NPAS3: variants seen among roughly 807,000 people sequenced by gnomAD.
The protein encoded by NPAS3 is neuronal PAS domain-containing protein 3.
A neutral mutation model predicts 73.1 loss-of-function variants in NPAS3; 14 were observed. That is an observed-to-expected ratio of 0.19 (90% CI 0.13 to 0.30). The LOEUF is 0.30. NPAS3 is among the 10% of genes least tolerant of loss of function. NPAS3 has a pLI of 1.00. For missense variants in NPAS3, 1,096 were observed against 1,250.0 expected, an observed-to-expected ratio of 0.88 and a Z score of 1.86; for synonymous variants, 620 against 541.5, an observed-to-expected ratio of 1.14 and a Z score of -2.01.
rs1221630915 is a variant in NPAS3 at position 33,145,301 on chromosome 14, G to A, written c.141-69881G>A. Among the ~76,000 whole-genome samples the A allele has an allele frequency of 2.0e-5, 3 of 152,128 alleles. No homozygotes were observed. The East Asian group carries it at 5.8e-4, about 29-fold the overall frequency. On this transcript the variant is annotated intron_variant, in intron 2 of 11. Coordinates refer to ENST00000356141, the Ensembl canonical transcript of NPAS3. ...AAAAGTCCAACAGGATATTTGTTAA[G>A]TTGACAAGAGATTACCTGGAAGAAG...
At chr14:33,735,418 A>G (rs1361915764) in intron 7 of NPAS3, 86 bp downstream of exon 7, 4 of 893,270 alleles carry the variant, frequency 4.5e-6, no homozygotes, top group East Asian at 2.4e-5. Context: ...CTTTAGGTCC[A>G]TATAATGAAT....
At chr14:33,140,086 G>T (rs778933528) in intron 2 of NPAS3, among the ~76,000 whole-genome samples, 5 of 151,860 alleles carry the variant, frequency 3.3e-5, no homozygotes, top group Non-Finnish European at 5.9e-5. Flanking sequence ...AACATTTTTC[G>T]GTAGGCCTAT....
rs138385414 is a variant in NPAS3, at chr14:33,143,912, GGTTGAATA to G, written c.141-71267_141-71260del. Among the ~76,000 whole-genome samples, 128 of 152,156 alleles carry G rather than the reference GGTTGAATA, an allele frequency of 8.4e-4. No individual in the cohort carries two copies. The East Asian group carries it at 0.021, about 25-fold the overall frequency. ...GAATCAGTACCTCATTCCTTTTTAT[GGTTGAATA>G]GTATTCCATTGTGTGGATATAATAT... On this transcript the variant is annotated intron_variant, in intron 2 of 11. Coordinates refer to ENST00000356141, the Ensembl canonical transcript of NPAS3.
Position 33,436,284 on chromosome 14 carries a change from A to C in NPAS3, c.468+69016A>C, listed in dbSNP as rs113849493. ...TATCTCTAAGTAAGACAAATTAAAC[A>C]TAGACATGTGCTTCAAGAAGGGCTT... is the stretch of plus-strand genomic sequence containing the variant. On this transcript the variant is annotated intron_variant, in intron 4 of 11. Transcript: ENST00000356141. 2.6e-5 allele frequency among the ~76,000 whole-genome samples: 4 copies of C among 152,230 alleles called. No individual in the cohort carries two copies. In the South Asian group the frequency reaches 6.2e-4, roughly 24 times the overall value.
chr14:33,100,445 A>T (rs2042548543), intron 2 of NPAS3, among the ~76,000 whole-genome samples: 1 of 152,210 alleles, frequency 6.6e-6, no homozygotes. Context: ...GGTACTTGAT[A>T]CATAATAGGA....
chr14:33,170,678 T>A (rs1219331193), intron 2 of NPAS3, among the ~76,000 whole-genome samples: 3 of 152,170 alleles, frequency 2.0e-5, no homozygotes, highest in African/African-American at 7.2e-5. Context: ...GTAAATTCCA[T>A]CTCAAGAAAC....
intron 2 of NPAS3, among the ~76,000 whole-genome samples, chr14:33,179,080 GT>G (rs970419800): frequency 6.6e-6 from 1 of 151,764 alleles, no homozygotes; most frequent in Non-Finnish European, 1.5e-5. Flanking sequence ...GATCACGTGT[GT>G]TTTTTTTCCC....
At chr14:33,648,812 C>G (rs891680792) in intron 5 of NPAS3, among the ~76,000 whole-genome samples, 5 of 152,180 alleles carry the variant, frequency 3.3e-5, no homozygotes, top group African/African-American at 1.2e-4. Flanking sequence ...ACCAGTGAAG[C>G]CCTCCAGAAT....
chr14:33,245,096 A>T (rs1028643580), intron 3 of NPAS3, among the ~76,000 whole-genome samples: 1 of 152,188 alleles, frequency 6.6e-6, no homozygotes, highest in Non-Finnish European at 1.5e-5. Context: ...CTTTTCATAA[A>T]AGCAGGTGGT....
chr14:33,457,747 G>A lies in NPAS3; in HGVS notation c.468+90479G>A, dbSNP rs112405039. On this transcript the variant is annotated intron_variant, in intron 4 of 11. Coordinates refer to ENST00000356141, the Ensembl canonical transcript of NPAS3. ...CCCTCGCTGTAGCCTTGCCCTTAGC[G>A]TGTGTAAGTCTGGCTCGCTCTCTGG... 5.2e-3 allele frequency among the ~76,000 whole-genome samples: 795 copies of A among 152,200 alleles called. 5 individuals are homozygous for A. Among genetic ancestry groups the A allele is most frequent in the African/African-American group, 0.018 (751 of 41,538 alleles).
intron 5 of NPAS3, among the ~76,000 whole-genome samples, chr14:33,597,548 G>T (rs1266334426): frequency 6.6e-6 from 1 of 152,212 alleles, no homozygotes; most frequent in African/African-American, 2.4e-5. Context: ...TTAGAAACAG[G>T]TTTAGCTCCA....
chr14:33,228,688 C>T (rs1044615717), intron 3 of NPAS3, among the ~76,000 whole-genome samples: 5 of 151,978 alleles, frequency 3.3e-5, no homozygotes, highest in Non-Finnish European at 7.4e-5. Flanking sequence ...GGGAAAAAAG[C>T]GAACCATCTC....
intron 1 of NPAS3, among the ~76,000 whole-genome samples, chr14:33,043,122 A>T (rs1439725263): frequency 6.6e-6 from 1 of 152,194 alleles, no homozygotes. Flanking sequence ...GAAGTAGAAG[A>T]TCAATACTGA....
chr14:33,126,349 T>C (rs1265570940), intron 2 of NPAS3, among the ~76,000 whole-genome samples: 1 of 152,154 alleles, frequency 6.6e-6, no homozygotes, highest in Non-Finnish European at 1.5e-5. Context: ...CAGAACAAAA[T>C]GGATGCCGTT....
chr14:33,741,896 G>T (rs1466480363), intron 7 of NPAS3, among the ~76,000 whole-genome samples: 1 of 152,026 alleles, frequency 6.6e-6, no homozygotes, highest in Non-Finnish European at 1.5e-5. Flanking sequence ...CTGAGCCTTT[G>T]CTAGCTATGA....
chr14:33,469,334 G>A (rs1351299538), intron 4 of NPAS3, among the ~76,000 whole-genome samples: 1 of 150,344 alleles, frequency 6.7e-6, no homozygotes, highest in Non-Finnish European at 1.5e-5. Flanking sequence ...GTATGTATAT[G>A]TTCTATGTGC....
chr14:33,639,933 A>C (rs2058629546), intron 5 of NPAS3, among the ~76,000 whole-genome samples: 1 of 152,068 alleles, frequency 6.6e-6, no homozygotes, highest in Admixed American at 6.6e-5. Flanking sequence ...AATTACCTCT[A>C]TGGGCTGGTC....
chr14:33,192,473 A>G (rs540953223), intron 2 of NPAS3, among the ~76,000 whole-genome samples: 4 of 152,332 alleles, frequency 2.6e-5, no homozygotes, highest in African/African-American at 9.6e-5. Context: ...CACTGACACC[A>G]GAGTGGATGC....
intron 4 of NPAS3, among the ~76,000 whole-genome samples, chr14:33,559,519 C>A (rs2055531040): frequency 6.6e-6 from 1 of 151,154 alleles, no homozygotes; most frequent in African/African-American, 2.4e-5. Context: ...CCACTGAATC[C>A]AAAAAAAATA....
Sources: gnomAD v4.1 joint callset for allele counts (sites outside exome capture counted in the v4.1 genomes callset) on GRCh38, gnomAD v4.1.1 for gene constraint, MANE v1.5 for transcripts, NCBI Gene and HGNC (gene_info 2026-07-23, HGNC 2026-07-21) for gene names.